LHPP: variants seen among roughly 807,000 people sequenced by gnomAD.
LHPP encodes hLHPP.
Under a neutral mutation model 30.3 loss-of-function variants are expected in LHPP, and 24 were observed. The observed-to-expected ratio is 0.79, with a 90% CI of 0.57 to 1.11. The LOEUF is 1.11. Ranked by LOEUF, LHPP falls within the 50% of genes most tolerant of loss-of-function variation. The pLI, the probability that LHPP is intolerant of heterozygous loss-of-function variation, is 0.00. For missense variants in LHPP, 356 were observed against 367.2 expected (o/e 0.97, Z 0.25); for synonymous variants, 150 against 157.1 (o/e 0.95, Z 0.34).
chr10:124,489,880 T>C, intron 3 of LHPP: 1 of 198,896 alleles, frequency 5.0e-6, no homozygotes, highest in Non-Finnish European at 1.0e-5. Context: ...GAAATTCGGT[T>C]GCTGACCCAT....
At chr10:124,462,071 A>G in intron 1 of LHPP, 84 bp downstream of exon 1, 1 of 1,138,278 alleles carries the variant, frequency 8.8e-7, no homozygotes, top group Non-Finnish European at 1.1e-6. Flanking sequence ...GCGGGGCGGC[A>G]GGGGGCGGGG....
At chr10:124,594,064 G>T (rs530759779) in intron 6 of LHPP, among the ~76,000 whole-genome samples, 3 of 152,184 alleles carry the variant, frequency 2.0e-5, no homozygotes, top group South Asian at 2.1e-4. Flanking sequence ...GGCCGGACGT[G>T]GGGGGCTCCC....
rs1403422731 is a variant in LHPP at position 124,461,838 on chromosome 10, G to C, written c.-25G>C. On this transcript the variant is annotated 5_prime_UTR_variant, in exon 1 of 7. Transcript: ENST00000368842. ...CGGCGCCGGCGTCGGTTGGGACGCG[G>C]AGCTGAGGAGCAGGGCCGGGCGCCA... 5.7e-6 allele frequency: 7 copies of C among 1,232,354 alleles called. No homozygotes were observed. The highest frequency in any genetic ancestry group is 6.1e-6 in the Non-Finnish European group (6 of 984,748). 76.3% of individuals were successfully genotyped at this position (1,232,354 alleles called of 1,614,324 possible).
chr10:124,566,766 G>A (rs1192085101), intron 6 of LHPP, among the ~76,000 whole-genome samples: 2 of 152,182 alleles, frequency 1.3e-5, no homozygotes, highest in African/African-American at 2.4e-5. Context: ...AGAGGGAGGA[G>A]GCTGAGAGTC....
chr10:124,521,713 C>A (rs370104937), intron 6 of LHPP, among the ~76,000 whole-genome samples: 1 of 151,988 alleles, frequency 6.6e-6, no homozygotes, highest in Non-Finnish European at 1.5e-5. Context: ...GGGCAGCTGG[C>A]GGGTGGGGGC....
rs565508445 is a variant in LHPP, at chr10:124,496,283, C to G, written c.468-678C>G. Among the ~76,000 whole-genome samples, 2 of 152,162 alleles carry G rather than the reference C, an allele frequency of 1.3e-5. No homozygotes were observed. Among genetic ancestry groups the G allele is most frequent in the African/African-American group, 4.8e-5 (2 of 41,442 alleles). The stretch of plus-strand genomic sequence containing the variant: ...GCCTTGAGGCTCAGTGTGACGCGAT[C>G]GTAGGGTGAGCCTGGCCGGGCTGCA... On this transcript the variant is annotated intron_variant, in intron 3 of 6. Coordinates refer to ENST00000368842, the MANE Select transcript of LHPP (RefSeq NM_022126.4). The surrounding 1 kb of genome is among the most constrained non-coding windows in gnomAD (Gnocchi z 4.3).
chr10:124,489,557 C>T (rs574644356), intron 3 of LHPP, among the ~76,000 whole-genome samples: 2 of 152,250 alleles, frequency 1.3e-5, no homozygotes, highest in East Asian at 1.9e-4. Context: ...CGGGTTCAAG[C>T]GATTCTCCTG....
intron 5 of LHPP, among the ~76,000 whole-genome samples, chr10:124,502,563 G>C (rs947321216): frequency 1.3e-5 from 2 of 151,068 alleles, no homozygotes; most frequent in Admixed American, 6.6e-5. Flanking sequence ...TAGAGATGGG[G>C]CTTCACCATG....
At chr10:124,582,735 T>C (rs912721550) in intron 6 of LHPP, among the ~76,000 whole-genome samples, 3 of 152,026 alleles carry the variant, frequency 2.0e-5, no homozygotes, top group Non-Finnish European at 4.4e-5. Context: ...CTGGGTGTGG[T>C]GGCTCACACC....
rs533415500 is a variant in LHPP, at chr10:124,530,800, G to C, written c.716+13529G>C. ...TTCACGGGTGCAGACGATGAGCATG[G>C]AGAACACCACAGCGCACAGGGCCGA... On this transcript the variant is annotated intron_variant, in intron 6 of 6. Transcript: ENST00000368842. Among the ~76,000 whole-genome samples the C allele has an allele frequency of 3.3e-3, 507 of 152,338 alleles. 1 individual carries two copies. The highest frequency in any genetic ancestry group is 4.7e-3 in the Non-Finnish European group (318 of 68,028).
chr10:124,564,412 C>T (rs1056163174), intron 6 of LHPP, among the ~76,000 whole-genome samples: 5 of 151,784 alleles, frequency 3.3e-5, no homozygotes, highest in East Asian at 1.9e-4. Context: ...CGTGAGCCAC[C>T]GCGCCCGGCC....
At chr10:124,582,758 A>T (rs532495035) in intron 6 of LHPP, among the ~76,000 whole-genome samples, 1 of 152,236 alleles carries the variant, frequency 6.6e-6, no homozygotes, top group South Asian at 2.1e-4. Context: ...TAATCCCAGC[A>T]CTTTAGGAGG....
At chr10:124,521,345 C>G (rs1954608274) in intron 6 of LHPP, among the ~76,000 whole-genome samples, 1 of 152,392 alleles carries the variant, frequency 6.6e-6, no homozygotes, top group Non-Finnish European at 1.5e-5. Flanking sequence ...AGGGCCACCC[C>G]CAGCCCTCTG....
intron 6 of LHPP, among the ~76,000 whole-genome samples, chr10:124,594,303 C>G (rs978084469): frequency 8.3e-6 from 1 of 120,850 alleles, no homozygotes; most frequent in African/African-American, 3.1e-5. Flanking sequence ...GCACTCCAGC[C>G]TGGGCGGCAG....
chr10:124,524,566 C>T (rs1246919701), intron 6 of LHPP, among the ~76,000 whole-genome samples: 2 of 152,106 alleles, frequency 1.3e-5, no homozygotes, highest in South Asian at 2.1e-4. Flanking sequence ...CATGAGCCAC[C>T]GTGTCTGGCC....
At chr10:124,535,587 T>G (rs1589839745) in intron 6 of LHPP, among the ~76,000 whole-genome samples, 1 of 151,780 alleles carries the variant, frequency 6.6e-6, no homozygotes, top group Non-Finnish European at 1.5e-5. Context: ...TTTTTTTTTT[T>G]GTAGAGACAA....
At chr10:124,481,380 T>A in intron 1 of LHPP, among the ~76,000 whole-genome samples, 1 of 124,076 alleles carries the variant, frequency 8.1e-6, no homozygotes, top group Admixed American at 8.1e-5. Context: ...CCCCTTTTTT[T>A]TTTTTTTTTT....
At chr10:124,554,274 C>T (rs1041187487) in intron 6 of LHPP, among the ~76,000 whole-genome samples, 65 of 152,200 alleles carry the variant, frequency 4.3e-4, no homozygotes, top group African/African-American at 1.6e-3. Context: ...CAGCCTTGAC[C>T]TTCTGGACTC....
chr10:124,550,859 T>G (rs1279652140), intron 6 of LHPP, among the ~76,000 whole-genome samples: 1 of 152,166 alleles, frequency 6.6e-6, no homozygotes, highest in Non-Finnish European at 1.5e-5. Flanking sequence ...CATCCCTGTG[T>G]GTCCCCAAGG....
Sources: gnomAD v4.1 joint callset for allele counts (sites outside exome capture counted in the v4.1 genomes callset) on GRCh38, gnomAD v4.1.1 for gene constraint, Gnocchi (gnomAD v3.1) non-coding constraint, MANE v1.5 for transcripts, NCBI Gene and HGNC (gene_info 2026-07-23, HGNC 2026-07-21) for gene names.